PAPPA2: variants seen among roughly 807,000 people sequenced by gnomAD.
PAPPA2 encodes pappalysin-2.
In PAPPA2, 86 loss-of-function variants were observed where a neutral mutation model predicts 176.4. That is an observed-to-expected ratio of 0.49 (90% confidence interval 0.41 to 0.58). The LOEUF (loss-of-function observed/expected upper bound fraction) is 0.58. Among genes scored for constraint, PAPPA2 ranks in the 20% least tolerant of loss-of-function variants. The pLI, the probability that PAPPA2 is intolerant of heterozygous loss-of-function variation, is 0.00. For missense variants in PAPPA2, 2,073 were observed against 2,256.9 expected, an observed-to-expected ratio of 0.92 and a Z score of 1.65; for synonymous variants, 809 against 852.2, an observed-to-expected ratio of 0.95 and a Z score of 0.88.
chr1:176,823,252 G>A (rs755026061), intron 21 of PAPPA2, among the ~76,000 whole-genome samples: 1 of 152,160 alleles, frequency 6.6e-6, no homozygotes. Context: ...TTAGTCAAGT[G>A]TTCCTGCAAT....
intron 1 of PAPPA2, among the ~76,000 whole-genome samples, chr1:176,547,610 T>C (rs1184409147): frequency 6.6e-5 from 10 of 152,192 alleles, no homozygotes; most frequent in Admixed American, 5.2e-4. Context: ...ATTTTCCCTC[T>C]ACACAGGGTC....
intron 21 of PAPPA2, among the ~76,000 whole-genome samples, chr1:176,836,335 C>G (rs1416454402): frequency 1.3e-5 from 2 of 152,118 alleles, no homozygotes; most frequent in African/African-American, 4.8e-5. Flanking sequence ...AAACACTCAT[C>G]AAGATAATAA....
chr1:176,604,784 T>C (rs530524886), intron 3 of PAPPA2, among the ~76,000 whole-genome samples: 22 of 152,380 alleles, frequency 1.4e-4, no homozygotes, highest in Middle Eastern at 3.4e-3. Context: ...ATTTTAAAAA[T>C]GAATTAGTGT....
At chr1:176,753,484 C>G (rs577323051) in intron 14 of PAPPA2, among the ~76,000 whole-genome samples, 282 of 151,594 alleles carry the variant, frequency 1.9e-3, no homozygotes, top group African/African-American at 6.7e-3. Context: ...CTTCTTCTTC[C>G]TCTGCTCAGT....
chr1:176,636,359 T>A (rs552451524), intron 3 of PAPPA2, among the ~76,000 whole-genome samples: 1 of 152,280 alleles, frequency 6.6e-6, no homozygotes, highest in Admixed American at 6.5e-5. Context: ...ATTCTAGTAG[T>A]GTACTTGAAT....
At chr1:176,619,250 A>T (rs1404817921) in intron 3 of PAPPA2, among the ~76,000 whole-genome samples, 1 of 152,210 alleles carries the variant, frequency 6.6e-6, no homozygotes, top group Non-Finnish European at 1.5e-5. Flanking sequence ...AGTTAAACAG[A>T]TTGAAGTTAA....
At chr1:176,684,198 T>A (rs1392389767) in intron 4 of PAPPA2, among the ~76,000 whole-genome samples, 1 of 152,216 alleles carries the variant, frequency 6.6e-6, no homozygotes, top group Non-Finnish European at 1.5e-5. Flanking sequence ...TAGAAAAGTC[T>A]GGCATTGTGA....
At chr1:176,790,704 G>C (rs1489737948) in intron 18 of PAPPA2, among the ~76,000 whole-genome samples, 1 of 152,132 alleles carries the variant, frequency 6.6e-6, no homozygotes, top group Non-Finnish European at 1.5e-5. Context: ...ACCAGATGAA[G>C]GGAGGGCTAC....
intron 14 of PAPPA2, among the ~76,000 whole-genome samples, chr1:176,763,402 G>T (rs376107334): frequency 3.9e-5 from 6 of 152,268 alleles, no homozygotes; most frequent in African/African-American, 1.4e-4. Flanking sequence ...GCTTATTAAT[G>T]AATGGTGGAG....
At chr1:176,470,492 C>T (rs1262479091) in intron 1 of PAPPA2, among the ~76,000 whole-genome samples, 2 of 152,120 alleles carry the variant, frequency 1.3e-5, no homozygotes, top group African/African-American at 4.8e-5. Context: ...ATCAGAAGGA[C>T]ATGTTCTCAA....
At chr1:176,588,219 T>G (rs1653442676) in intron 2 of PAPPA2, among the ~76,000 whole-genome samples, 1 of 152,332 alleles carries the variant, frequency 6.6e-6, no homozygotes, top group African/African-American at 2.4e-5. Flanking sequence ...ACTTGTCTGT[T>G]GTTGGTGTAA....
At chr1:176,536,613 G>A (rs766804654) in intron 1 of PAPPA2, among the ~76,000 whole-genome samples, 1 of 152,224 alleles carries the variant, frequency 6.6e-6, no homozygotes, top group Non-Finnish European at 1.5e-5. Context: ...ATGACCAGGA[G>A]CACTCCTTAC....
chr1:176,534,783 C>T (rs893247535), intron 1 of PAPPA2, among the ~76,000 whole-genome samples: 2 of 152,118 alleles, frequency 1.3e-5, no homozygotes, highest in Admixed American at 1.3e-4. Context: ...CTTTGTGAAT[C>T]ATGTGCTTCA....
chr1:176,615,733 A>C (rs1655182144), intron 3 of PAPPA2, among the ~76,000 whole-genome samples: 1 of 152,230 alleles, frequency 6.6e-6, no homozygotes, highest in Admixed American at 6.5e-5. Flanking sequence ...CCTGATGTAT[A>C]CTAGTATGAA....
chr1:176,723,053 G>A (rs370512463), intron 12 of PAPPA2, among the ~76,000 whole-genome samples: 7 of 152,228 alleles, frequency 4.6e-5, no homozygotes, highest in East Asian at 1.9e-4. Flanking sequence ...GCTCAACATC[G>A]GGTGAAAGCC....
intron 2 of PAPPA2, among the ~76,000 whole-genome samples, chr1:176,558,366 C>T (rs1002372687): frequency 6.6e-6 from 1 of 152,184 alleles, no homozygotes; most frequent in Admixed American, 6.5e-5. Context: ...AAAATATTCT[C>T]AGGTTACTGG....
At chr1:176,825,340 C>T (rs1666816219) in intron 21 of PAPPA2, among the ~76,000 whole-genome samples, 1 of 152,204 alleles carries the variant, frequency 6.6e-6, no homozygotes, top group African/African-American at 2.4e-5. Flanking sequence ...TGCATGGTCT[C>T]ATTTATCCCC....
intron 4 of PAPPA2, among the ~76,000 whole-genome samples, chr1:176,677,388 A>G (rs1659356198): frequency 6.6e-6 from 1 of 152,194 alleles, no homozygotes; most frequent in Admixed American, 6.6e-5. Flanking sequence ...CTATGTGGAA[A>G]GACCAAGGTA....
At chr1:176,559,657 C>A (rs1651541434) in intron 2 of PAPPA2, among the ~76,000 whole-genome samples, 1 of 152,240 alleles carries the variant, frequency 6.6e-6, no homozygotes, top group Non-Finnish European at 1.5e-5. Context: ...CGCCCCTGAG[C>A]TGGTCATTGT....
Sources: allele counts gnomAD v4.1 joint callset (sites outside exome capture counted in the v4.1 genomes callset), GRCh38; gene constraint gnomAD v4.1.1; transcripts MANE v1.5; gene names NCBI Gene and HGNC (gene_info 2026-07-23, HGNC 2026-07-21).